Variants in OPTN observed in about 807,000 individuals in gnomAD.
OPTN encodes E3-14.7K-interacting protein.
A neutral mutation model predicts 70.4 loss-of-function variants in OPTN; 54 were observed. The observed-to-expected ratio is 0.77, with a 90% CI of 0.62 to 0.96. OPTN has a LOEUF of 0.96. Among genes scored for constraint, OPTN ranks in the 40% least tolerant of loss-of-function variants. The probability of loss-of-function intolerance (pLI) is 0.00; values close to 1 mark genes in which losing one functional copy is unlikely to be tolerated. For missense variants in OPTN, 624 were observed against 673.2 expected (o/e 0.93, Z 0.81); for synonymous variants, 256 against 248.5 (o/e 1.03, Z -0.28).
intron 9 of OPTN, 51 bp from the exon 10 acceptor site, chr10:13,125,367 T>C: frequency 1.2e-6 from 2 of 1,607,532 alleles, no homozygotes; most frequent in Non-Finnish European, 1.7e-6. Context: ...TAAAAGCCAC[T>C]GCGACGTAAA....
intron 6 of OPTN, among the ~76,000 whole-genome samples, chr10:13,116,973 G>T (rs572483723): frequency 6.6e-6 from 1 of 152,038 alleles, no homozygotes; most frequent in South Asian, 2.1e-4. Context: ...CTTGACTCTC[G>T]CAAAGCAGTG....
intron 6 of OPTN, 126 bp from the exon 7 acceptor site, chr10:13,118,762 T>G: frequency 1.2e-6 from 1 of 841,016 alleles, no homozygotes; most frequent in Non-Finnish European, 2.0e-6. Context: ...GTTCACTAGT[T>G]GAGAATTAGT....
chr10:13,134,320 A>G (rs1833654386), intron 14 of OPTN, among the ~76,000 whole-genome samples: 1 of 152,122 alleles, frequency 6.6e-6, no homozygotes, highest in Non-Finnish European at 1.5e-5. Flanking sequence ...CTCCATCTCC[A>G]TGAACTGTTT....
intron 6 of OPTN, among the ~76,000 whole-genome samples, chr10:13,117,150 G>A (rs1047547614): frequency 4.4e-5 from 6 of 136,110 alleles, no homozygotes; most frequent in South Asian, 2.3e-4. Context: ...GCGTGATCTC[G>A]GCTCACTGCA....
Position 13,136,811 on chromosome 10 carries a change from A to C in OPTN, c.1679A>C (p.Glu560Ala). The change falls in exon 15 of 15, where the codon GAG becomes GCG. Residue 560 changes from glutamate (E) to alanine (A), a missense_variant. Transcript: ENST00000378747. ...IPIHSCPKCG[E>A]VLPDIDTLQI... The stretch of plus-strand genomic sequence containing the variant: ...ATTCATTCCTGCCCCAAGTGTGGAG[A>C]GGTTCTGCCTGACATAGACACGTTA... The C allele has an allele frequency of 3.7e-6, 6 of 1,614,168 alleles. No individual in the cohort carries two copies. The highest frequency in any genetic ancestry group is 5.1e-6 in the Non-Finnish European group (6 of 1,180,036).
At chr10:13,131,803 A>G (rs1833597762) in intron 12 of OPTN, among the ~76,000 whole-genome samples, 2 of 152,240 alleles carry the variant, frequency 1.3e-5, no homozygotes, top group African/African-American at 2.4e-5. Flanking sequence ...TGCTGAATTA[A>G]TGGTACCTAC....
At position 13,137,462 on chromosome 10, in the gene OPTN, C is replaced by T. The variant is rs560015974; in HGVS notation, c.*596C>T. On this transcript the variant is annotated 3_prime_UTR_variant, in exon 15 of 15. Transcript: ENST00000378747. ...GGTTGATGCGAGCAGCTGCACTGCT[C>T]ATGCAGTTAGCTAGCATGTGACATC... The T allele has an allele frequency of 1.2e-4, 27 of 228,882 alleles. No homozygotes were observed. Among genetic ancestry groups the T allele is most frequent in the African/African-American group, 5.8e-4 (26 of 45,006 alleles). 14.2% of individuals were successfully genotyped at this position (228,882 alleles called of 1,614,324 possible). A position where few individuals can be genotyped will look rare whatever the true frequency, so the allele number is the denominator to read the frequency against.
intron 2 of OPTN, 172 bp from the exon 3 acceptor site, chr10:13,108,940 A>G: frequency 1.4e-6 from 1 of 696,218 alleles, no homozygotes; most frequent in Non-Finnish European, 2.6e-6. Context: ...CTGAAGCTAC[A>G]TATACCTTTT....
intron 3 of OPTN, chr10:13,109,491 T>A (rs1832946494): frequency 1.7e-6 from 1 of 581,012 alleles, no homozygotes; most frequent in Non-Finnish European, 3.1e-6. Context: ...AAAAACTGTG[T>A]GTATCTCAAG....
In OPTN at chr10:13,116,680, T is replaced by C. The variant is rs140982964; in HGVS notation, c.626+340T>C. On this transcript the variant is annotated intron_variant, in intron 6 of 14. Coordinates refer to ENST00000378747, the MANE Select transcript of OPTN (RefSeq NM_001008212.2). ...TTTGCTCATTGGTTCCCCGGTGCCA[T>C]TTGACCCAGACCAGCCTGCCCAGCT... is the stretch of plus-strand genomic sequence containing the variant. The C allele has an allele frequency of 2.4e-4, 93 of 381,598 alleles. 1 individual carries two copies. In the East Asian group the frequency reaches 3.4e-3, roughly 14 times the overall value. 23.6% of individuals were successfully genotyped at this position (381,598 alleles called of 1,614,324 possible).
Position 13,132,114 on chromosome 10 carries a change from G to C in OPTN, c.1449G>C (p.Glu483Asp). ...TTCATGCTGAAAGAGCAGCGAGAGA[G>C]AAAATTCATGAGGAAAAGGAGCAAC... is the stretch of plus-strand genomic sequence containing the variant. Reference protein sequence around the residue: ...SDFHAERAAREKIHEEKEQLA... With the variant: ...SDFHAERAARDKIHEEKEQLA... The change falls in exon 13 of 15, where the codon GAG (glutamate) becomes GAC (aspartate). Residue 483 changes from glutamate to aspartate, a missense_variant. Transcript: ENST00000378747. 6.2e-7 allele frequency: 1 copy of C among 1,613,626 alleles called. No homozygotes were observed. The highest frequency in any genetic ancestry group is 1.3e-5 in the African/African-American group (1 of 75,020).
intron 14 of OPTN, 127 bp from the exon 15 acceptor site, chr10:13,136,618 G>T: frequency 9.2e-7 from 1 of 1,081,686 alleles, no homozygotes; most frequent in Non-Finnish European, 1.4e-6. Flanking sequence ...AAACACCTGT[G>T]CTCATGTCCC....
At position 13,133,526 on chromosome 10, in the gene OPTN, T is replaced by G; in HGVS notation, c.1557T>G (p.Ser519Arg). 6.2e-7 allele frequency: 1 copy of G among 1,613,958 alleles called. No individual in the cohort carries two copies. Among genetic ancestry groups the G allele is most frequent in the Non-Finnish European group, 8.5e-7 (1 of 1,179,982 alleles). ...GGRQSLMEMQ[S>R]RHGARTSDSD... ...GGCAGTCCTTGATGGAGATGCAGAG[T>G]CGTCATGGGGCGAGAACAAGTGACT... The change falls in exon 14 of 15, where the codon AGT (serine) becomes AGG (arginine). Residue 519 changes from serine to arginine, a missense_variant. Coordinates refer to ENST00000378747, the MANE Select transcript of OPTN (RefSeq NM_001008212.2).
At chr10:13,103,457 G>A (rs1832792254) in intron 1 of OPTN, among the ~76,000 whole-genome samples, 1 of 152,152 alleles carries the variant, frequency 6.6e-6, no homozygotes, top group Non-Finnish European at 1.5e-5. Flanking sequence ...TGTAAGGCAG[G>A]TACCATTTGA....
chr10:13,120,745 A>G (rs1381446390), intron 7 of OPTN, among the ~76,000 whole-genome samples: 1 of 152,140 alleles, frequency 6.6e-6, no homozygotes, highest in Admixed American at 6.5e-5. Flanking sequence ...CTTGAGTACT[A>G]TAGCTTTGTA....
intron 10 of OPTN, 135 bp downstream of exon 10, chr10:13,125,702 C>T (rs1833443370): frequency 9.8e-7 from 1 of 1,021,024 alleles, no homozygotes; most frequent in Non-Finnish European, 1.5e-6. Flanking sequence ...TCCTAGCAGA[C>T]CTCTCAGAGA....
Position 13,136,807 on chromosome 10 carries a change from G to A in OPTN, c.1675G>A (p.Gly559Arg). The A allele has an allele frequency of 6.2e-7, 1 of 1,614,184 alleles. No individual in the cohort carries two copies. The highest frequency in any genetic ancestry group is 2.2e-5 in the East Asian group (1 of 44,894). The change falls in exon 15 of 15, where the codon GGA (glycine) becomes AGA (arginine). Residue 559 changes from glycine to arginine, a missense_variant. Coordinates refer to ENST00000378747, the MANE Select transcript of OPTN (RefSeq NM_001008212.2). ...TCCGATTCATTCCTGCCCCAAGTGT[G>A]GAGAGGTTCTGCCTGACATAGACAC... ...NIPIHSCPKCGEVLPDIDTLQ... is the reference protein window; with the variant it reads ...NIPIHSCPKCREVLPDIDTLQ...
intron 1 of OPTN, among the ~76,000 whole-genome samples, chr10:13,107,108 C>T (rs1274932622): frequency 6.6e-6 from 1 of 152,148 alleles, no homozygotes; most frequent in East Asian, 1.9e-4. Context: ...GGAGCAGTGG[C>T]TTATGCCTGT....
In OPTN at chr10:13,112,441, T is replaced by G; in HGVS notation, c.370-12T>G. 3 of 1,613,542 alleles carry G rather than the reference T, an allele frequency of 1.9e-6. No homozygotes were observed. Among genetic ancestry groups the G allele is most frequent in the Non-Finnish European group, 1.7e-6 (2 of 1,179,632 alleles). The stretch of plus-strand genomic sequence containing the variant: ...TGATCTGTTCATTCACTTTACTCCT[T>G]GTCATCTCCAGGACCCCACTGATGA... On this transcript the variant is annotated splice_polypyrimidine_tract_variant and intron_variant, in intron 4 of 14. Transcript: ENST00000378747.
Sources: allele counts gnomAD v4.1 joint callset (sites outside exome capture counted in the v4.1 genomes callset), GRCh38; gene constraint gnomAD v4.1.1; transcripts MANE v1.5; gene names NCBI Gene and HGNC (gene_info 2026-07-23, HGNC 2026-07-21).